The following KAZN variants were observed in gnomAD, a reference collection of about 807,000 sequenced individuals.
KAZN encodes the protein kazrin, periplakin interacting protein.
A neutral mutation model predicts 87.4 loss-of-function variants in KAZN; 40 were observed. The ratio of observed to expected loss-of-function variants is 0.46; its 90% CI spans 0.36 to 0.60. The LOEUF (loss-of-function observed/expected upper bound fraction) is 0.60, where lower values mean the gene tolerates loss of function less well. Ranked by LOEUF, KAZN falls within the 20% of genes least tolerant of loss-of-function variation. KAZN has a pLI of 0.00. For missense variants in KAZN, 898 were observed against 1,073.9 expected, an observed-to-expected ratio of 0.84 and a Z score of 2.29; for synonymous variants, 466 against 458.3, an observed-to-expected ratio of 1.02 and a Z score of -0.22.
chr1:14,537,677 C>T (rs1215782472), intron 2 of KAZN, among the ~76,000 whole-genome samples: 1 of 152,234 alleles, frequency 6.6e-6, no homozygotes, highest in East Asian at 1.9e-4. Context: ...GTGGGAAGAT[C>T]CTATAAGATG....
At chr1:14,052,381 G>C (rs1642375344) in intron 1 of KAZN, among the ~76,000 whole-genome samples, 2 of 152,190 alleles carry the variant, frequency 1.3e-5, no homozygotes, top group South Asian at 4.1e-4. Flanking sequence ...ATGATAATCT[G>C]CAAAAAAGTA....
chr1:14,166,624 TAAATA>T (rs1329543461), intron 1 of KAZN, among the ~76,000 whole-genome samples: 6 of 152,192 alleles, frequency 3.9e-5, no homozygotes, highest in Non-Finnish European at 8.8e-5. Flanking sequence ...TTACTATGAG[TAAATA>T]AAAGTTATTG....
intron 1 of KAZN, among the ~76,000 whole-genome samples, chr1:14,023,687 C>CA (rs1263560057): frequency 6.6e-6 from 1 of 151,936 alleles, no homozygotes; most frequent in South Asian, 2.1e-4. Context: ...AACAAACAAA[C>CA]AAAAAAACGG....
At position 14,308,159 on chromosome 1, in the gene KAZN, G is replaced by A. The variant is rs72644455; in HGVS notation, c.249+127567G>A. ...GGCTCTGGATTAAAGACAATTAATT[G>A]CAATGTGTACTTTCAGGTTGCATCC... On this transcript the variant is annotated intron_variant, in intron 2 of 16. Coordinates refer to the KAZN transcript ENST00000636203. Among the ~76,000 whole-genome samples, 1,333 of 152,292 alleles carry A rather than the reference G, an allele frequency of 8.8e-3. 6 individuals are homozygous for A. The highest frequency in any genetic ancestry group is 0.027 in the Middle Eastern group (8 of 294).
intron 1 of KAZN, among the ~76,000 whole-genome samples, chr1:14,720,655 A>G (rs549271037): frequency 1.7e-4 from 26 of 152,100 alleles, no homozygotes; most frequent in Non-Finnish European, 3.1e-4. Flanking sequence ...TCCTCTTATC[A>G]TTCTTACAGA....
intron 2 of KAZN, among the ~76,000 whole-genome samples, chr1:14,373,616 A>T (rs1410687652): frequency 6.6e-6 from 1 of 152,238 alleles, no homozygotes; most frequent in Non-Finnish European, 1.5e-5. Flanking sequence ...ATGTCCAGGC[A>T]GCCCATGGCC....
At chr1:13,985,581 A>G (rs1339560908) in intron 1 of KAZN, among the ~76,000 whole-genome samples, 5 of 148,154 alleles carry the variant, frequency 3.4e-5, no homozygotes, top group African/African-American at 1.2e-4. Context: ...GGGGAGGGAT[A>G]GCATTGGGAG....
chr1:15,054,872 C>A (rs141660041), intron 4 of KAZN, among the ~76,000 whole-genome samples: 62 of 152,380 alleles, frequency 4.1e-4, no homozygotes, highest in Non-Finnish European at 8.8e-4. Flanking sequence ...CAGCCTCACA[C>A]TTGTCCCTGG....
intron 1 of KAZN, among the ~76,000 whole-genome samples, chr1:14,831,147 A>G (rs1349130320): frequency 6.6e-6 from 1 of 152,216 alleles, no homozygotes; most frequent in Non-Finnish European, 1.5e-5. Flanking sequence ...GGCGTGAGCC[A>G]CCACGCCTGC....
intron 1 of KAZN, among the ~76,000 whole-genome samples, chr1:14,055,949 C>A (rs1642535387): frequency 6.6e-6 from 1 of 152,172 alleles, no homozygotes; most frequent in Admixed American, 6.5e-5. Flanking sequence ...CTTCACTGTC[C>A]AGTCTTTCTG....
At chr1:14,302,320 T>C (rs1654611720) in intron 2 of KAZN, among the ~76,000 whole-genome samples, 1 of 152,154 alleles carries the variant, frequency 6.6e-6, no homozygotes, top group African/African-American at 2.4e-5. Flanking sequence ...GAACATAATG[T>C]GGAAGCAGGT....
At chr1:14,056,374 A>C (rs1241233339) in intron 1 of KAZN, among the ~76,000 whole-genome samples, 2 of 152,202 alleles carry the variant, frequency 1.3e-5, no homozygotes, top group African/African-American at 4.8e-5. Flanking sequence ...TCACGATGGA[A>C]GCAGAGCTTG....
intron 1 of KAZN, among the ~76,000 whole-genome samples, chr1:14,002,009 A>C (rs951986407): frequency 1.3e-5 from 2 of 152,244 alleles, no homozygotes; most frequent in African/African-American, 4.8e-5. Flanking sequence ...ATGGGATCTA[A>C]TTAAACTAAA....
chr1:14,260,418 G>A (rs193240432), intron 2 of KAZN, among the ~76,000 whole-genome samples: 48 of 152,324 alleles, frequency 3.2e-4, no homozygotes, highest in African/African-American at 1.1e-3. Context: ...CACTGCAGAT[G>A]GAGAGAACAG....
chr1:14,057,043 C>CA (rs527243643), intron 1 of KAZN, among the ~76,000 whole-genome samples: 7,333 of 91,526 alleles, frequency 0.08, 634 homozygotes, highest in African/African-American at 0.22. Context: ...GACCCTGTCT[C>CA]AAAAAAAAAA....
At chr1:14,075,572 CTAA>C (rs1018132498) in intron 1 of KAZN, among the ~76,000 whole-genome samples, 11 of 152,132 alleles carry the variant, frequency 7.2e-5, no homozygotes, top group Non-Finnish European at 1.5e-4. Context: ...TTAAAATAAA[CTAA>C]TGTGGGCAGA....
chr1:14,373,143 G>T (rs1660636961), intron 2 of KAZN, among the ~76,000 whole-genome samples: 1 of 151,780 alleles, frequency 6.6e-6, no homozygotes, highest in South Asian at 2.1e-4. Context: ...AGCTTTCTGG[G>T]AAGTGGATAT....
chr1:14,868,900 A>G (rs185970329), intron 1 of KAZN, among the ~76,000 whole-genome samples: 1 of 152,206 alleles, frequency 6.6e-6, no homozygotes, highest in East Asian at 1.9e-4. Flanking sequence ...TGGGGCCAAG[A>G]TAAGAGAACT....
chr1:14,213,350 A>G (rs1272033952), intron 2 of KAZN, among the ~76,000 whole-genome samples: 3 of 152,222 alleles, frequency 2.0e-5, no homozygotes, highest in Non-Finnish European at 4.4e-5. Flanking sequence ...ATAGGAAACT[A>G]GAACCAAGAA....
Sources: allele counts gnomAD v4.1 joint callset (sites outside exome capture counted in the v4.1 genomes callset), GRCh38; gene constraint gnomAD v4.1.1; transcripts MANE v1.5; gene names NCBI Gene and HGNC (gene_info 2026-07-23, HGNC 2026-07-21).